SCN2A: variants seen among roughly 807,000 people sequenced by gnomAD.
SCN2A encodes sodium channel protein type 2 subunit alpha.
A neutral mutation model predicts 188.7 loss-of-function variants in SCN2A; 20 were observed. That is an observed-to-expected ratio of 0.11 (90% CI 0.07 to 0.15). SCN2A has a LOEUF of 0.15. Ranked by LOEUF, SCN2A falls within the 10% of genes least tolerant of loss-of-function variation. The pLI is 1.00. For missense variants in SCN2A, 1,278 were observed against 2,445.0 expected, an observed-to-expected ratio of 0.52 and a Z score of 10.07; for synonymous variants, 804 against 833.1, an observed-to-expected ratio of 0.97 and a Z score of 0.60.
chr2:165,263,728 TA>T (rs1237046284), intron 1 of SCN2A, among the ~76,000 whole-genome samples: 1 of 152,078 alleles, frequency 6.6e-6, no homozygotes, highest in South Asian at 2.1e-4. Flanking sequence ...ATTTTAAGAT[TA>T]TTTTTTCTAG....
chr2:165,359,509 C>G (rs1263270225), intron 17 of SCN2A, among the ~76,000 whole-genome samples: 1 of 152,022 alleles, frequency 6.6e-6, no homozygotes, highest in Non-Finnish European at 1.5e-5. Flanking sequence ...TATTTTCAAT[C>G]CTCACATTAT....
chr2:165,285,042 T>G (rs1158559310), intron 1 of SCN2A, among the ~76,000 whole-genome samples: 2 of 152,248 alleles, frequency 1.3e-5, no homozygotes, highest in Non-Finnish European at 2.9e-5. Flanking sequence ...AAGTTAGATG[T>G]AAAGTGATTA....
At chr2:165,248,615 C>A (rs927987741) in intron 1 of SCN2A, among the ~76,000 whole-genome samples, 3 of 152,064 alleles carry the variant, frequency 2.0e-5, no homozygotes, top group African/African-American at 7.2e-5. Flanking sequence ...ATTTGCTTTG[C>A]TTTGTTCTTT....
In SCN2A at chr2:165,327,338, G is replaced by T. The variant is rs1574601637; in HGVS notation, c.2149+354G>T. The T allele has an allele frequency of 1.3e-5, 3 of 234,014 alleles. No homozygotes were observed. The South Asian group carries it at 1.7e-4, about 13-fold the overall frequency. 14.5% of individuals were successfully genotyped at this position (234,014 alleles called of 1,614,324 possible). ...CATTTGGATTATATTAACTGCTTGA[G>T]ACACAAGTTATAAAATCCTATGACT... On this transcript the variant is annotated intron_variant, in intron 13 of 26. Transcript: ENST00000375437.
At chr2:165,367,985 TC>T (rs1256797904) in intron 19 of SCN2A, among the ~76,000 whole-genome samples, 1 of 152,144 alleles carries the variant, frequency 6.6e-6, no homozygotes, top group African/African-American at 2.4e-5. Flanking sequence ...TGTTAACAGT[TC>T]AGTGGAGGGT....
chr2:165,365,108 A>T, intron 17 of SCN2A, 35 bp from the exon 18 acceptor site: 1 of 1,594,480 alleles, frequency 6.3e-7, no homozygotes, highest in Non-Finnish European at 8.6e-7. Flanking sequence ...TAAAGAAAAT[A>T]ATTAAATGTG....
chr2:165,251,595 A>G (rs1694096707), intron 1 of SCN2A, among the ~76,000 whole-genome samples: 1 of 152,050 alleles, frequency 6.6e-6, no homozygotes, highest in East Asian at 1.9e-4. Context: ...ACTGTGGTTG[A>G]ATGTAAACAC....
chr2:165,275,923 C>T (rs1695319114), intron 1 of SCN2A, among the ~76,000 whole-genome samples: 2 of 152,006 alleles, frequency 1.3e-5, no homozygotes, highest in Admixed American at 1.3e-4. Context: ...TTAGTAGAGA[C>T]AGGTTTTCAC....
intron 16 of SCN2A, among the ~76,000 whole-genome samples, chr2:165,345,941 A>G (rs1699562632): frequency 6.6e-6 from 1 of 152,096 alleles, no homozygotes; most frequent in South Asian, 2.1e-4. Flanking sequence ...TTGTCTGTAA[A>G]TGATTTTATT....
rs1131691300 is a variant in SCN2A at position 165,354,295 on chromosome 2, G to A, written c.3023G>A (p.Gly1008Glu). The change falls in exon 17 of 27, where the codon GGA (glycine) becomes GAA (glutamate). Residue 1008 changes from glycine (G) to glutamate (E), a missense_variant. Physicochemically the swap from Gly to Glu is moderately conservative, Grantham distance 98. Around this residue, in one of 17 missense-constraint regions of SCN2A, gnomAD observed 228 missense variants for 297.3 expected, o/e 0.77. Transcript: ENST00000375437. ...ATGAATAATCTCCAGATTGCTGTGG[G>A]AAGGATGCAGAAAGGAATCGATTTT... ...NEMNNLQIAV[G>E]RMQKGIDFVK... The A allele has an allele frequency of 7.4e-6, 12 of 1,614,110 alleles. No homozygotes were observed. Among genetic ancestry groups the A allele is most frequent in the Non-Finnish European group, 9.3e-6 (11 of 1,179,998 alleles).
At chr2:165,249,109 T>G (rs540501288) in intron 1 of SCN2A, among the ~76,000 whole-genome samples, 22 of 152,290 alleles carry the variant, frequency 1.4e-4, no homozygotes, top group Admixed American at 2.0e-4. Context: ...CTTTGTTTGC[T>G]TGTTCATCTT....
At chr2:165,326,093 A>G (rs1698343931) in intron 12 of SCN2A, among the ~76,000 whole-genome samples, 1 of 152,068 alleles carries the variant, frequency 6.6e-6, no homozygotes, top group Admixed American at 6.5e-5. Flanking sequence ...GATAATTGAC[A>G]TCATTGTTTG....
chr2:165,354,707 A>G, intron 17 of SCN2A, 36 bp downstream of exon 17: 1 of 1,603,692 alleles, frequency 6.2e-7, no homozygotes, highest in Non-Finnish European at 8.5e-7. Context: ...TTTTGGTGTT[A>G]TATAATTCTG....
chr2:165,322,053 A>T (rs892894810), intron 11 of SCN2A, among the ~76,000 whole-genome samples: 5 of 152,202 alleles, frequency 3.3e-5, no homozygotes, highest in Non-Finnish European at 7.3e-5. Context: ...TTAGGCATGG[A>T]TGGATCCAGA....
intron 7 of SCN2A, among the ~76,000 whole-genome samples, chr2:165,311,216 T>A (rs1697407806): frequency 6.6e-6 from 1 of 152,070 alleles, no homozygotes; most frequent in African/African-American, 2.4e-5. Flanking sequence ...TGCCATATAC[T>A]TCAGCATGAT....
chr2:165,303,413 C>T (rs1696945514), intron 3 of SCN2A, among the ~76,000 whole-genome samples: 1 of 151,408 alleles, frequency 6.6e-6, no homozygotes, highest in Admixed American at 6.6e-5. Context: ...GTAGCTGGGA[C>T]TACAGGCGCC....
Position 165,367,207 on chromosome 2 carries a change from C to G in SCN2A, c.3521-10C>G. ...ATTTTTTGTCTTCATTTTTTTCCCA[C>G]ATATTTTAGACTGTGTACGGAAGTT... On this transcript the variant is annotated splice_polypyrimidine_tract_variant and intron_variant, in intron 18 of 26. Coordinates refer to ENST00000375437, the MANE Select transcript of SCN2A (RefSeq NM_001040142.2). 1 of 1,613,862 alleles carries G rather than the reference C, an allele frequency of 6.2e-7. No individual in the cohort carries two copies. The highest frequency in any genetic ancestry group is 8.5e-7 in the Non-Finnish European group (1 of 1,179,894).
At chr2:165,308,536 T>C in intron 4 of SCN2A, 130 bp from the exon 5 acceptor site, 1 of 847,948 alleles carries the variant, frequency 1.2e-6, no homozygotes, top group Non-Finnish European at 1.9e-6. Flanking sequence ...AAGCCCCACC[T>C]AAACTCTATA....
intron 14 of SCN2A, among the ~76,000 whole-genome samples, chr2:165,339,910 T>C (rs1396690860): frequency 6.6e-6 from 1 of 152,228 alleles, no homozygotes; most frequent in East Asian, 1.9e-4. Flanking sequence ...GTTATAAAGC[T>C]GTACTAATCA....
Sources: gnomAD v4.1 joint callset for allele counts (sites outside exome capture counted in the v4.1 genomes callset) on GRCh38, gnomAD v4.1.1 for gene constraint, gnomAD v4.1.1 regional missense constraint, MANE v1.5 for transcripts, NCBI Gene and HGNC (gene_info 2026-07-23, HGNC 2026-07-21) for gene names.